TENM2: variants seen among roughly 807,000 people sequenced by gnomAD.
TENM2 encodes the protein teneurin transmembrane protein 2, also known as teneurin-2.
In TENM2, 52 loss-of-function variants were observed where a neutral mutation model predicts 245.2. The observed-to-expected ratio is 0.21, with a 90% CI of 0.17 to 0.27. TENM2 has a LOEUF of 0.27. TENM2 is among the 10% of genes least tolerant of loss of function. The pLI is 1.00. For synonymous variants in TENM2, 1,363 were observed against 1,438.9 expected (o/e 0.95, Z 1.19); for missense variants, 3,046 against 3,666.8 (o/e 0.83, Z 4.37).
chr5:167,999,854 C>T (rs1581013746), intron 5 of TENM2, among the ~76,000 whole-genome samples: 1 of 152,212 alleles, frequency 6.6e-6, no homozygotes, highest in Non-Finnish European at 1.5e-5. Flanking sequence ...CATCGTAATA[C>T]AGAGCCAGAG....
intron 19 of TENM2, among the ~76,000 whole-genome samples, chr5:168,209,865 C>T (rs1762653222): frequency 6.6e-6 from 1 of 152,142 alleles, no homozygotes; most frequent in Non-Finnish European, 1.5e-5. Context: ...CTGAGGGGGA[C>T]AGGCACACAA....
intron 5 of TENM2, among the ~76,000 whole-genome samples, chr5:168,025,834 C>A (rs1006969229): frequency 1.3e-5 from 2 of 152,152 alleles, no homozygotes; most frequent in African/African-American, 4.8e-5. Flanking sequence ...ATAACTTCCA[C>A]CTGAGCTGCA....
chr5:167,765,776 T>C (rs1762976741), intron 2 of TENM2, among the ~76,000 whole-genome samples: 1 of 152,232 alleles, frequency 6.6e-6, no homozygotes, highest in Non-Finnish European at 1.5e-5. Context: ...GGCTGATGAA[T>C]ATATGCACCG....
chr5:167,856,698 G>A (rs749528068), intron 2 of TENM2, among the ~76,000 whole-genome samples: 2 of 152,048 alleles, frequency 1.3e-5, no homozygotes, highest in Non-Finnish European at 2.9e-5. Context: ...TTTTCCCCAC[G>A]GGGCTGTGAG....
intron 2 of TENM2, among the ~76,000 whole-genome samples, chr5:167,441,719 G>A (rs1010502302): frequency 6.6e-6 from 1 of 152,162 alleles, no homozygotes; most frequent in Non-Finnish European, 1.5e-5. Context: ...GCTTTCATAC[G>A]TATGTTGATG....
chr5:167,942,305 C>T (rs906814902), intron 3 of TENM2, among the ~76,000 whole-genome samples: 8 of 152,202 alleles, frequency 5.3e-5, no homozygotes, highest in Admixed American at 5.2e-4. Flanking sequence ...ATTTTCTGAG[C>T]ACTTTAAACG....
intron 2 of TENM2, among the ~76,000 whole-genome samples, chr5:167,447,228 A>G (rs1331754622): frequency 6.6e-6 from 1 of 152,226 alleles, no homozygotes; most frequent in Non-Finnish European, 1.5e-5. Flanking sequence ...AGCAAATCCC[A>G]TTCTAAAGAT....
chr5:167,157,502 T>C, the TENM2 span, among the ~76,000 whole-genome samples: 1 of 152,230 alleles, frequency 6.6e-6, no homozygotes, highest in Non-Finnish European at 1.5e-5. Context: ...TAAAAGAACC[T>C]GGAAATTTTC....
chr5:167,024,461 A>T, the TENM2 span, among the ~76,000 whole-genome samples: 8 of 152,196 alleles, frequency 5.3e-5, no homozygotes, highest in Admixed American at 1.3e-4. Flanking sequence ...ATAAATGAGC[A>T]GTTTTCAGGC....
intron 1 of TENM2, among the ~76,000 whole-genome samples, chr5:167,321,476 T>C (rs1038640159): frequency 2.0e-5 from 3 of 152,106 alleles, no homozygotes; most frequent in Admixed American, 2.0e-4. Flanking sequence ...GCCTTGAGAA[T>C]TTATCACCAG....
chr5:167,150,136 T>C, the TENM2 span, among the ~76,000 whole-genome samples: 1 of 152,170 alleles, frequency 6.6e-6, no homozygotes, highest in Non-Finnish European at 1.5e-5. Context: ...TGTGGGCCTG[T>C]GAGTCTTGAT....
chr5:167,977,953 C>T (rs1782563414), intron 4 of TENM2, among the ~76,000 whole-genome samples: 1 of 152,030 alleles, frequency 6.6e-6, no homozygotes, highest in Non-Finnish European at 1.5e-5. Flanking sequence ...TTGGTGCCTT[C>T]CTCCCGGTAA....
chr5:168,175,485 C>G (rs757144440), intron 13 of TENM2, among the ~76,000 whole-genome samples: 1 of 152,176 alleles, frequency 6.6e-6, no homozygotes, highest in Non-Finnish European at 1.5e-5. Flanking sequence ...GTCATGTTCC[C>G]TTTAGCCACA....
the TENM2 span, among the ~76,000 whole-genome samples, chr5:167,046,617 C>G: frequency 6.6e-6 from 1 of 152,278 alleles, no homozygotes; most frequent in Admixed American, 6.5e-5. Context: ...TCTCCACTTA[C>G]AGTTTTCTCC....
intron 12 of TENM2, among the ~76,000 whole-genome samples, chr5:168,152,220 G>A (rs1037932876): frequency 6.6e-5 from 10 of 152,224 alleles, no homozygotes; most frequent in Non-Finnish European, 1.0e-4. Flanking sequence ...GTCCCTGTGA[G>A]GGGTTTGCTA....
chr5:167,500,428 CAT>C (rs1562006041), intron 2 of TENM2, among the ~76,000 whole-genome samples: 1 of 152,036 alleles, frequency 6.6e-6, no homozygotes, highest in Non-Finnish European at 1.5e-5. Context: ...AACTTAAAAA[CAT>C]AATCTGCAGT....
chr5:167,118,623 G>A, the TENM2 span, among the ~76,000 whole-genome samples: 112 of 152,302 alleles, frequency 7.4e-4, 1 homozygote, highest in African/African-American at 2.5e-3. Context: ...TCGTAGTGTT[G>A]CAACAATCTG....
intron 1 of TENM2, among the ~76,000 whole-genome samples, chr5:167,319,942 T>C (rs182707155): frequency 3.3e-5 from 5 of 152,308 alleles, no homozygotes; most frequent in African/African-American, 9.6e-5. Context: ...CAAATACTTA[T>C]TAAAACCTCT....
intron 5 of TENM2, among the ~76,000 whole-genome samples, chr5:168,014,226 A>G (rs1304070632): frequency 6.6e-6 from 1 of 152,212 alleles, no homozygotes; most frequent in African/African-American, 2.4e-5. Flanking sequence ...ATTTTTGAGC[A>G]TTTACTACAT....
Sources: gnomAD v4.1 joint callset for allele counts (sites outside exome capture counted in the v4.1 genomes callset) on GRCh38, gnomAD v4.1.1 for gene constraint, MANE v1.5 for transcripts, NCBI Gene and HGNC (gene_info 2026-07-23, HGNC 2026-07-21) for gene names.